Variants in PLCB4 observed in about 807,000 individuals in gnomAD.
The protein encoded by PLCB4 is 1-phosphatidylinositol 4,5-bisphosphate phosphodiesterase beta-4.
PLCB4 carries 77 observed loss-of-function variants against 178.8 expected under a neutral mutation model. The observed-to-expected ratio is 0.43, with a 90% CI of 0.36 to 0.52. The LOEUF (loss-of-function observed/expected upper bound fraction) is 0.52, where lower values mean the gene tolerates loss of function less well. PLCB4 is among the 20% of genes least tolerant of loss of function. The pLI is 0.00. For synonymous variants in PLCB4, 496 were observed against 490.8 expected, an observed-to-expected ratio of 1.01 and a Z score of -0.14; for missense variants, 1,024 against 1,453.4, an observed-to-expected ratio of 0.70 and a Z score of 4.80.
At chr20:9,287,127 A>G (rs1009172718) in intron 3 of PLCB4, among the ~76,000 whole-genome samples, 1 of 152,078 alleles carries the variant, frequency 6.6e-6, no homozygotes, top group Non-Finnish European at 1.5e-5. Context: ...ATAAATTCAT[A>G]CATTGCCAAA....
chr20:9,314,148 G>C (rs1313673788), intron 4 of PLCB4, among the ~76,000 whole-genome samples: 1 of 152,168 alleles, frequency 6.6e-6, no homozygotes, highest in Admixed American at 6.5e-5. Context: ...GTGGAGTACA[G>C]GGGTGAAGGC....
intron 4 of PLCB4, among the ~76,000 whole-genome samples, chr20:9,330,472 G>A (rs1247029462): frequency 6.6e-5 from 10 of 152,172 alleles, no homozygotes; most frequent in Non-Finnish European, 1.0e-4. Flanking sequence ...ATCTTCTGGC[G>A]ATAGGCAGAG....
At chr20:9,165,515 C>T (rs937619786) in intron 2 of PLCB4, among the ~76,000 whole-genome samples, 1 of 152,136 alleles carries the variant, frequency 6.6e-6, no homozygotes, top group African/African-American at 2.4e-5. Context: ...AAATACAATT[C>T]TCTCTGGATG....
chr20:9,240,404 C>T (rs1193062841), intron 3 of PLCB4, among the ~76,000 whole-genome samples: 2 of 152,120 alleles, frequency 1.3e-5, no homozygotes, highest in Admixed American at 6.5e-5. Flanking sequence ...AAGTAGGTCT[C>T]ATAATTTTTG....
chr20:9,278,291 T>A (rs1601578514), intron 3 of PLCB4, among the ~76,000 whole-genome samples: 1 of 152,062 alleles, frequency 6.6e-6, no homozygotes, highest in Non-Finnish European at 1.5e-5. Flanking sequence ...TGCTAGTGTA[T>A]TTCACGACAG....
chr20:9,454,517 A>T (rs2042948210), intron 33 of PLCB4, among the ~76,000 whole-genome samples: 1 of 152,200 alleles, frequency 6.6e-6, no homozygotes, highest in South Asian at 2.1e-4. Flanking sequence ...CCTTTGGCAC[A>T]AGAGAAAAGG....
At chr20:9,284,199 C>G (rs561644374) in intron 3 of PLCB4, among the ~76,000 whole-genome samples, 2 of 152,024 alleles carry the variant, frequency 1.3e-5, no homozygotes, top group South Asian at 4.1e-4. Flanking sequence ...CCATTTTGTT[C>G]TGAGTGGCCA....
chr20:9,154,133 A>G (rs1346064940), intron 2 of PLCB4, among the ~76,000 whole-genome samples: 2 of 152,174 alleles, frequency 1.3e-5, no homozygotes, highest in Admixed American at 6.5e-5. Context: ...TCAGGTCCAC[A>G]GTGCACATGT....
chr20:9,126,920 T>A (rs2092130320), intron 2 of PLCB4, among the ~76,000 whole-genome samples: 1 of 152,116 alleles, frequency 6.6e-6, no homozygotes, highest in African/African-American at 2.4e-5. Context: ...AATGCCCTAC[T>A]TTGCTGTCAC....
At chr20:9,125,040 T>A (rs1166712747) in intron 2 of PLCB4, among the ~76,000 whole-genome samples, 2 of 152,174 alleles carry the variant, frequency 1.3e-5, no homozygotes, top group Non-Finnish European at 2.9e-5. Context: ...CCCCATTAAT[T>A]TATTTCAAGG....
At chr20:9,125,691 A>T (rs1051439364) in intron 2 of PLCB4, among the ~76,000 whole-genome samples, 1 of 152,198 alleles carries the variant, frequency 6.6e-6, no homozygotes, top group Non-Finnish European at 1.5e-5. Context: ...AAATAAAAGG[A>T]TGTGTATTTT....
chr20:9,441,057 C>T (rs2042073057), intron 30 of PLCB4, among the ~76,000 whole-genome samples: 1 of 152,152 alleles, frequency 6.6e-6, no homozygotes, highest in Non-Finnish European at 1.5e-5. Flanking sequence ...ATCATGAAAA[C>T]AGAAAGAAAA....
intron 33 of PLCB4, among the ~76,000 whole-genome samples, chr20:9,454,757 G>A (rs2042960764): frequency 1.3e-5 from 2 of 152,138 alleles, no homozygotes; most frequent in South Asian, 4.1e-4. Flanking sequence ...AGTAAATGGT[G>A]GGTAACTAAA....
chr20:9,299,225 C>T (rs139454397), intron 3 of PLCB4, among the ~76,000 whole-genome samples: 1 of 152,056 alleles, frequency 6.6e-6, no homozygotes, highest in Non-Finnish European at 1.5e-5. Flanking sequence ...TGCTAGAAAA[C>T]ATAGACATTA....
At chr20:9,197,539 G>A (rs987481193) in intron 2 of PLCB4, among the ~76,000 whole-genome samples, 1 of 152,150 alleles carries the variant, frequency 6.6e-6, no homozygotes, top group Non-Finnish European at 1.5e-5. Context: ...TTACCTTGTC[G>A]AATGTGGCAA....
chr20:9,265,690 A>T (rs1300729751), intron 3 of PLCB4, among the ~76,000 whole-genome samples: 2 of 152,146 alleles, frequency 1.3e-5, no homozygotes, highest in African/African-American at 2.4e-5. Flanking sequence ...GGAGAATATT[A>T]ATCTCAGGTC....
intron 24 of PLCB4, among the ~76,000 whole-genome samples, chr20:9,410,375 AT>A (rs1426957709): frequency 6.6e-6 from 1 of 152,272 alleles, no homozygotes; most frequent in Non-Finnish European, 1.5e-5. Context: ...CAGTGAGTCC[AT>A]AATATGGATT....
At chr20:9,194,862 G>A (rs572798544) in intron 2 of PLCB4, among the ~76,000 whole-genome samples, 2 of 152,210 alleles carry the variant, frequency 1.3e-5, no homozygotes, top group African/African-American at 4.8e-5. Context: ...TTGTTTGTTT[G>A]CTTGCTTAAC....
intron 30 of PLCB4, among the ~76,000 whole-genome samples, chr20:9,438,318 A>G (rs1012727917): frequency 1.3e-4 from 20 of 151,392 alleles, no homozygotes; most frequent in African/African-American, 4.6e-4. Context: ...GTGAGCTGAG[A>G]TAGCGCCACT....
Sources: allele counts gnomAD v4.1 joint callset (sites outside exome capture counted in the v4.1 genomes callset), GRCh38; gene constraint gnomAD v4.1.1; transcripts MANE v1.5; gene names NCBI Gene and HGNC (gene_info 2026-07-23, HGNC 2026-07-21).